The following FMNL1 variants were observed in gnomAD, a reference collection of about 807,000 sequenced individuals.
FMNL1 encodes formin-like protein 1.
In FMNL1, 43 loss-of-function variants were observed where a neutral mutation model predicts 121.3. The ratio of observed to expected loss-of-function variants is 0.35; its 90% confidence interval spans 0.28 to 0.46. The LOEUF (loss-of-function observed/expected upper bound fraction) is 0.46, where lower values mean the gene tolerates loss of function less well. Among genes scored for constraint, FMNL1 ranks in the 20% least tolerant of loss-of-function variants. The probability of loss-of-function intolerance (pLI) is 1.00; values close to 1 mark genes in which losing one functional copy is unlikely to be tolerated. For missense variants in FMNL1, 1,191 were observed against 1,482.4 expected, an observed-to-expected ratio of 0.80 and a Z score of 3.23; for synonymous variants, 613 against 613.5, an observed-to-expected ratio of 1.00 and a Z score of 0.01.
chr17:45,245,056 G>C lies in FMNL1; in HGVS notation c.2676G>C (p.Pro892=). The part of the protein sequence containing the change: ...YLVKVIAEKY[P]QLTGFHSDLH... The stretch of plus-strand genomic sequence containing the variant: ...TGAAGGTCATTGCTGAGAAGTACCC[G>C]CAACTCACAGGCTTCCACAGCGACC... The change falls in exon 21 of 27, where the codon CCG becomes CCC. Residue 892 remains proline, a synonymous_variant. Coordinates refer to ENST00000331495, the MANE Select transcript of FMNL1 (RefSeq NM_005892.4). 6.2e-7 allele frequency: 1 copy of C among 1,614,194 alleles called. No homozygotes were observed. Among genetic ancestry groups the C allele is most frequent in the South Asian group, 1.1e-5 (1 of 91,086 alleles).
intron 3 of FMNL1, chr17:45,232,811 A>G: frequency 1.7e-6 from 1 of 575,682 alleles, no homozygotes; most frequent in Non-Finnish European, 3.3e-6. Flanking sequence ...GTGTGTGTGT[A>G]CCATTGAGTC....
rs554335922 is a variant in FMNL1 at position 45,233,895 on chromosome 17, C to T, written c.485+164C>T. ...ATGCTCCTTCCAGAAGGCCTGCCCC[C>T]GACAGGGAGGGGTGGCCTCTCTTCC... is the stretch of plus-strand genomic sequence containing the variant. On this transcript the variant is annotated intron_variant, in intron 5 of 26. Transcript: ENST00000331495. This position sits in a 1 kb window ranked among gnomAD's most constrained non-coding sequence, Gnocchi z 4.1. 4.4e-5 allele frequency: 58 copies of T among 1,323,764 alleles called. No homozygotes were observed. In the East Asian group the frequency reaches 7.0e-4, roughly 16 times the overall value. 82.0% of individuals were successfully genotyped at this position (1,323,764 alleles called of 1,614,324 possible).
intron 17 of FMNL1, 76 bp downstream of exon 17, chr17:45,243,396 A>C (rs2043753904): frequency 6.6e-7 from 1 of 1,518,502 alleles, no homozygotes; most frequent in Non-Finnish European, 9.0e-7. Flanking sequence ...GATCCTAGTA[A>C]AAGAGCCTCA....
At position 45,222,187 on chromosome 17, in the gene FMNL1, GCCCGCGCCTC is replaced by G; in HGVS notation, c.66_75del (p.Ala23SerfsTer18). ...GCCCCGCCGCGCCGCCCCCCAAGCA[GCCCGCGCCTC>G]CCAAGCAGCCGATGCCCGCGGCCGG... On this transcript the variant is annotated frameshift_variant, in exon 1 of 27. Transcript: ENST00000331495. LOFTEE classifies it high-confidence loss of function. 1.6e-6 allele frequency: 2 copies of G among 1,241,986 alleles called. No individual in the cohort carries two copies. Among genetic ancestry groups the G allele is most frequent in the South Asian group, 2.6e-5 (1 of 37,884 alleles). 76.9% of individuals were successfully genotyped at this position (1,241,986 alleles called of 1,614,324 possible).
chr17:45,232,272 A>G (rs2143332446), intron 2 of FMNL1, 95 bp from the exon 3 acceptor site: 1 of 1,091,922 alleles, frequency 9.2e-7, no homozygotes, highest in Admixed American at 2.2e-5. Context: ...GGGACCTCAG[A>G]TCGGAGCTGA....
chr17:45,238,858 T>C (rs1421472059), intron 10 of FMNL1, 97 bp from the exon 11 acceptor site: 20 of 1,159,452 alleles, frequency 1.7e-5, no homozygotes, highest in Non-Finnish European at 2.4e-5. Flanking sequence ...GAGTGAGAAC[T>C]GTGGAGAAGG....
chr17:45,246,493 AC>A lies in FMNL1; in HGVS notation c.3212-7del, dbSNP rs1467424146. The A allele has an allele frequency of 1.2e-6, 2 of 1,612,892 alleles. No individual in the cohort carries two copies. Among genetic ancestry groups the A allele is most frequent in the South Asian group, 1.1e-5 (1 of 91,012 alleles). On this transcript the variant is annotated splice_polypyrimidine_tract_variant and intron_variant, in intron 25 of 26. Transcript: ENST00000331495. ...TTCTCTACTCCCCTTCACCTGCCCC[AC>A]CCCCACTCAGTGATCAAGACGGTGC...
intron 24 of FMNL1, 71 bp from the exon 25 acceptor site, chr17:45,246,139 G>T: frequency 6.4e-7 from 1 of 1,558,040 alleles, no homozygotes; most frequent in East Asian, 2.3e-5. Flanking sequence ...TGCTGTGGGG[G>T]ACCAGGCAGA....
rs1481585863 is a variant in FMNL1 at position 45,237,616 on chromosome 17, G to T, written c.871G>T (p.Ala291Ser). ...LVRGGHDIIL[A>S]AFDNFKEVCG... ...GCGGGGAGGACATGACATCATCCTT[G>T]CAGCCTTTGACAACTTCAAGGAGGT... is the stretch of plus-strand genomic sequence containing the variant. Residue 291 changes from alanine (A) to serine (S), a missense_variant, in exon 9 of 27, where the codon GCA (alanine) becomes TCA (serine). Transcript: ENST00000331495. This position sits in a 1 kb window ranked among gnomAD's most constrained non-coding sequence, Gnocchi z 4.4. The T allele has an allele frequency of 7.4e-6, 12 of 1,614,122 alleles. No homozygotes were observed. The highest frequency in any genetic ancestry group is 9.3e-6 in the Non-Finnish European group (11 of 1,180,022).
rs147957951 is a variant in FMNL1, at chr17:45,243,181, C to T, written c.2074C>T (p.Leu692Phe). 1.4e-5 allele frequency: 22 copies of T among 1,614,258 alleles called. No individual in the cohort carries two copies. In the African/African-American group the frequency reaches 2.9e-4, roughly 22 times the overall value. ...KTKSQGPSLD[L>F]SALKSKAAQK... ...CAAGTCCCAAGGCCCCAGCCTGGACCTCAGCGCTCTCAAGAGTAAGGCAGC... is the reference window on the plus strand; with the variant it reads ...CAAGTCCCAAGGCCCCAGCCTGGACTTCAGCGCTCTCAAGAGTAAGGCAGC... Residue 692 changes from leucine to phenylalanine, a missense_variant, in exon 17 of 27, where the codon CTC becomes TTC. Leu to Phe is a conservative substitution (Grantham distance 22). This residue lies in a region of FMNL1 where 519 missense variants were observed against 492.8 expected (regional missense o/e 1.05). Transcript: ENST00000331495.
In FMNL1 at chr17:45,236,199, C is replaced by G; in HGVS notation, c.678C>G (p.Asp226Glu). 6.2e-7 allele frequency: 1 copy of G among 1,614,008 alleles called. No individual in the cohort carries two copies. The highest frequency in any genetic ancestry group is 2.2e-5 in the East Asian group (1 of 44,884). ...RNSRIVSQKD[D>E]VHVCIMCLRA... ...CCCGCATCGTCAGCCAGAAGGACGA[C>G]GTCCACGTCTGTATTATGTGCCTAC... The change falls in exon 7 of 27, where the codon GAC becomes GAG. Residue 226 changes from aspartate to glutamate, a missense_variant. By Grantham distance (45) the Asp-to-Glu change is conservative (BLOSUM62 2). This residue lies in a region of FMNL1 where 253 missense variants were observed against 417.5 expected (regional missense o/e 0.61). Transcript: ENST00000331495.
At position 45,245,015 on chromosome 17, in the gene FMNL1, C is replaced by T. The variant is rs777203363; in HGVS notation, c.2635C>T (p.Leu879=). The T allele has an allele frequency of 1.9e-6, 3 of 1,614,032 alleles. No individual in the cohort carries two copies. ...EMKSTDRKQT[L]LHYLVKVIAE... is the part of the protein sequence containing the mutation. ...GAAGTCGACTGATCGCAAGCAGACG[C>T]TGCTGCACTACCTGGTGAAGGTCAT... The change falls in exon 21 of 27, where the codon CTG becomes TTG. Residue 879 remains leucine, a synonymous_variant. Transcript: ENST00000331495.
chr17:45,230,153 G>T (rs2043408986), intron 1 of FMNL1, among the ~76,000 whole-genome samples: 1 of 151,078 alleles, frequency 6.6e-6, no homozygotes, highest in Non-Finnish European at 1.5e-5. Flanking sequence ...CGTGGAGGTG[G>T]GACACTGGCC....
At chr17:45,243,435 C>A in intron 17 of FMNL1, 115 bp downstream of exon 17, 1 of 1,243,714 alleles carries the variant, frequency 8.0e-7, no homozygotes, top group Non-Finnish European at 1.1e-6. Context: ...AGGCTTCATA[C>A]CAACCCTGGT....
chr17:45,231,071 G>A lies in FMNL1; in HGVS notation c.213+384G>A, dbSNP rs2043426703. Among the ~76,000 whole-genome samples the A allele has an allele frequency of 6.6e-6, 1 of 152,180 alleles. No homozygotes were observed. The highest frequency in any genetic ancestry group is 1.5e-5 in the Non-Finnish European group (1 of 68,016). On this transcript the variant is annotated intron_variant, in intron 2 of 26. Coordinates refer to ENST00000331495, the MANE Select transcript of FMNL1 (RefSeq NM_005892.4). This position sits in a 1 kb window ranked among gnomAD's most constrained non-coding sequence, Gnocchi z 4.7. ...CATCTTCACCTGACCCCATGGGAGG[G>A]AGGGAGGAAGGGGCGGGAATTCCTG...
chr17:45,236,027 T>A (rs532869632), intron 6 of FMNL1, 109 bp from the exon 7 acceptor site: 1 of 836,678 alleles, frequency 1.2e-6, no homozygotes, highest in African/African-American at 1.7e-5. Flanking sequence ...TGGGATGTGG[T>A]GCCGTCAGGT....
At chr17:45,242,575 A>G (rs1004812695) in intron 16 of FMNL1, 110 bp downstream of exon 16, 1 of 1,466,582 alleles carries the variant, frequency 6.8e-7, no homozygotes, top group African/African-American at 1.4e-5. Flanking sequence ...TTCACAGATG[A>G]GGAGGGGGAG....
In FMNL1 at chr17:45,222,005, C is replaced by T. The variant is rs2043235209; in HGVS notation, c.-120C>T. ...CGAGCGCCCCCCGCTGCCGAGACCC[C>T]CGCCGCCACCGCCAGCCGCTGCCCC... On this transcript the variant is annotated 5_prime_UTR_variant, in exon 1 of 27. Coordinates refer to ENST00000331495, the MANE Select transcript of FMNL1 (RefSeq NM_005892.4). 3 of 810,450 alleles carry T rather than the reference C, an allele frequency of 3.7e-6. No individual in the cohort carries two copies. Among genetic ancestry groups the T allele is most frequent in the East Asian group, 4.7e-5 (1 of 21,388 alleles). The allele number at this position is 810,450 out of a possible 1,614,324, so 50.2% of individuals were successfully genotyped here.
intron 6 of FMNL1, among the ~76,000 whole-genome samples, chr17:45,235,816 T>C (rs920245773): frequency 2.6e-5 from 4 of 152,196 alleles, no homozygotes; most frequent in South Asian, 2.1e-4. Flanking sequence ...GCGTCTTACA[T>C]TGGAAGATGA....
Sources: gnomAD v4.1 joint callset for allele counts (sites outside exome capture counted in the v4.1 genomes callset) on GRCh38, gnomAD v4.1.1 for gene constraint, gnomAD v4.1.1 regional missense constraint, Gnocchi (gnomAD v3.1) non-coding constraint, MANE v1.5 for transcripts, NCBI Gene and HGNC (gene_info 2026-07-23, HGNC 2026-07-21) for gene names.